KCNJ10: variants seen among roughly 807,000 people sequenced by gnomAD.
The protein encoded by KCNJ10 is potassium inwardly rectifying channel subfamily J member 10, also known as ATP-sensitive inward rectifier potassium channel 10.
KCNJ10 carries 9 observed loss-of-function variants against 22.2 expected under a neutral mutation model. The observed-to-expected ratio is 0.40, with a 90% CI of 0.24 to 0.71. The LOEUF (loss-of-function observed/expected upper bound fraction) is 0.71. Among genes scored for constraint, KCNJ10 ranks in the 30% least tolerant of loss-of-function variants. The probability of loss-of-function intolerance (pLI) is 0.35; values close to 1 mark genes in which losing one functional copy is unlikely to be tolerated. For missense variants in KCNJ10, 337 were observed against 482.7 expected (o/e 0.70, Z 2.83); for synonymous variants, 184 against 187.3 (o/e 0.98, Z 0.15).
chr1:160,063,426 G>T (rs565993788), intron 1 of KCNJ10: 1 of 152,222 alleles, frequency 6.6e-6, no homozygotes, highest in East Asian at 1.9e-4. Flanking sequence ...CTCCCCACAC[G>T]GCAAGACAGA....
intron 1 of KCNJ10, among the ~76,000 whole-genome samples, chr1:160,059,482 T>C (rs1294644295): frequency 6.6e-6 from 1 of 152,166 alleles, no homozygotes; most frequent in Non-Finnish European, 1.5e-5. Flanking sequence ...AAAGTGCCAG[T>C]TTCTGTGGAG....
chr1:160,064,223 A>T (rs980787758), intron 1 of KCNJ10, among the ~76,000 whole-genome samples: 2 of 152,212 alleles, frequency 1.3e-5, no homozygotes, highest in Non-Finnish European at 2.9e-5. Flanking sequence ...GGTTCCTGAG[A>T]CCCTTTCGGA....
intron 1 of KCNJ10, among the ~76,000 whole-genome samples, chr1:160,055,196 AC>A (rs1459338765): frequency 6.6e-6 from 1 of 152,216 alleles, no homozygotes; most frequent in Non-Finnish European, 1.5e-5. Flanking sequence ...AGTAAAAATA[AC>A]AGTAACAATC....
intron 1 of KCNJ10, among the ~76,000 whole-genome samples, chr1:160,047,629 G>A (rs147700531): frequency 1.3e-5 from 2 of 152,130 alleles, no homozygotes. Context: ...TCCCTTTGAC[G>A]CCTTCCCTGA....
chr1:160,045,042 T>C (rs184284880), intron 1 of KCNJ10, among the ~76,000 whole-genome samples: 54 of 152,288 alleles, frequency 3.5e-4, no homozygotes, highest in African/African-American at 1.2e-3. Context: ...TTTTCTTTTA[T>C]GATAAGGCTA....
At chr1:160,064,376 C>T (rs1448806278) in intron 1 of KCNJ10, among the ~76,000 whole-genome samples, 1 of 152,190 alleles carries the variant, frequency 6.6e-6, no homozygotes, top group African/African-American at 2.4e-5. Flanking sequence ...AATGCAGAAG[C>T]AGATGAGAAA....
intron 1 of KCNJ10, among the ~76,000 whole-genome samples, chr1:160,052,779 C>T (rs970292062): frequency 5.3e-5 from 8 of 152,154 alleles, no homozygotes; most frequent in Non-Finnish European, 8.8e-5. Flanking sequence ...ATCTGTATTT[C>T]CTTCATTGTG....
chr1:160,057,484 C>T (rs886356809), intron 1 of KCNJ10, among the ~76,000 whole-genome samples: 7 of 152,166 alleles, frequency 4.6e-5, no homozygotes, highest in Non-Finnish European at 1.0e-4. Flanking sequence ...CTCTATAATT[C>T]CTCCAAAACC....
At chr1:160,063,083 A>T (rs1335654629) in intron 1 of KCNJ10, among the ~76,000 whole-genome samples, 1 of 151,920 alleles carries the variant, frequency 6.6e-6, no homozygotes, top group Non-Finnish European at 1.5e-5. Flanking sequence ...TATATGTCTA[A>T]CTCCCCATCT....
At chr1:160,047,144 G>C (rs1229208536) in intron 1 of KCNJ10, among the ~76,000 whole-genome samples, 1 of 152,178 alleles carries the variant, frequency 6.6e-6, no homozygotes, top group African/African-American at 2.4e-5. Flanking sequence ...TTTTACTTGA[G>C]AGTCATTTGT....
intron 1 of KCNJ10, among the ~76,000 whole-genome samples, chr1:160,057,512 G>A (rs1158037279): frequency 6.6e-6 from 1 of 152,216 alleles, no homozygotes; most frequent in Non-Finnish European, 1.5e-5. Context: ...CCTGCCAAGA[G>A]GTGGGCAAGT....
chr1:160,047,198 A>T (rs1037007471), intron 1 of KCNJ10, among the ~76,000 whole-genome samples: 3 of 152,212 alleles, frequency 2.0e-5, no homozygotes, highest in Non-Finnish European at 2.9e-5. Context: ...ACATGGATTT[A>T]TCAGGGCCTT....
At chr1:160,049,693 A>ATATATATATATATATT (rs1648848933) in intron 1 of KCNJ10, among the ~76,000 whole-genome samples, 11 of 116,716 alleles carry the variant, frequency 9.4e-5, no homozygotes, top group South Asian at 5.4e-4. Context: ...ATATATATAT[A>ATATATATATATATATT]TATATATATA....
intron 1 of KCNJ10, among the ~76,000 whole-genome samples, chr1:160,068,359 G>A (rs1200742432): frequency 1.3e-5 from 2 of 152,058 alleles, no homozygotes; most frequent in African/African-American, 4.8e-5. Flanking sequence ...GGCTCTGAGT[G>A]GGGGGTGGGG....
In KCNJ10 at chr1:160,040,946, A is replaced by G. The variant is rs748563412; in HGVS notation, c.*447T>C. ...TGTATTTCTGAAAGCACAGACCACAAAGTGACCATCAGAGAGAGTCTTGCC... is the reference window on the plus strand; with the variant it reads ...TGTATTTCTGAAAGCACAGACCACAGAGTGACCATCAGAGAGAGTCTTGCC... On this transcript the variant is annotated 3_prime_UTR_variant, in exon 2 of 2. Coordinates refer to ENST00000644903, the MANE Select transcript of KCNJ10 (RefSeq NM_002241.5). The G allele has an allele frequency of 9.7e-6, 3 of 308,276 alleles. No homozygotes were observed. Among genetic ancestry groups the G allele is most frequent in the Non-Finnish European group, 1.8e-5 (3 of 165,650 alleles). 19.1% of individuals were successfully genotyped at this position (308,276 alleles called of 1,614,324 possible).
At chr1:160,043,298 CACACACACACACACACAA>C (rs1648658126) in intron 1 of KCNJ10, among the ~76,000 whole-genome samples, 4 of 151,498 alleles carry the variant, frequency 2.6e-5, no homozygotes, top group African/African-American at 7.3e-5. Flanking sequence ...CACACACACA[CACACACACACACACACAA>C]CCTTAATTTC....
At chr1:160,043,825 C>G (rs755531518) in intron 1 of KCNJ10, among the ~76,000 whole-genome samples, 1 of 152,228 alleles carries the variant, frequency 6.6e-6, no homozygotes, top group Non-Finnish European at 1.5e-5. Context: ...GTGCCTGGCA[C>G]CCTTGCCCAA....
At chr1:160,042,952 T>TAAATAAAATA (rs985677703) in intron 1 of KCNJ10, among the ~76,000 whole-genome samples, 9 of 131,446 alleles carry the variant, frequency 6.8e-5, no homozygotes, top group Non-Finnish European at 1.2e-4. Context: ...AAAAAAAAAG[T>TAAATAAAATA]AAATAAAATA....
In KCNJ10 at chr1:160,041,549, G is replaced by C; in HGVS notation, c.984C>G (p.Ser328Arg). ...CCACTTTCACAACTTGGTCAAAAAG[G>C]CTAAAGTCAGCTATGTATTTACCAC... ...SASGKYIADF[S>R]LFDQVVKVAS... Residue 328 changes from serine (S) to arginine (R), a missense_variant, in exon 2 of 2, where the codon AGC becomes AGG. Transcript: ENST00000644903. The surrounding 1 kb of genome is among the most constrained non-coding windows in gnomAD (Gnocchi z 4.4). 1.2e-6 allele frequency: 2 copies of C among 1,614,168 alleles called. No individual in the cohort carries two copies. Among genetic ancestry groups the C allele is most frequent in the Non-Finnish European group, 1.7e-6 (2 of 1,180,032 alleles).
Sources: gnomAD v4.1 joint callset for allele counts (sites outside exome capture counted in the v4.1 genomes callset) on GRCh38, gnomAD v4.1.1 for gene constraint, Gnocchi (gnomAD v3.1) non-coding constraint, MANE v1.5 for transcripts, NCBI Gene and HGNC (gene_info 2026-07-23, HGNC 2026-07-21) for gene names.